RAB27A: variants seen among roughly 807,000 people sequenced by gnomAD.
The protein encoded by RAB27A is ras-related protein Rab-27A.
Under a neutral mutation model 20.8 loss-of-function variants are expected in RAB27A, and 17 were observed. The ratio of observed to expected loss-of-function variants is 0.82; its 90% CI spans 0.56 to 1.23. RAB27A has a LOEUF of 1.23. Among genes scored for constraint, RAB27A ranks in the 50% most tolerant of loss-of-function variants. The probability of loss-of-function intolerance (pLI) is 0.00; values close to 1 mark genes in which losing one functional copy is unlikely to be tolerated. For synonymous variants in RAB27A, 85 were observed against 92.8 expected, an observed-to-expected ratio of 0.92 and a Z score of 0.48; for missense variants, 277 against 266.7, an observed-to-expected ratio of 1.04 and a Z score of -0.27.
At chr15:55,238,694 C>T (rs1896362908) in intron 2 of RAB27A, among the ~76,000 whole-genome samples, 1 of 140,510 alleles carries the variant, frequency 7.1e-6, no homozygotes, top group Non-Finnish European at 1.5e-5. Flanking sequence ...TAAAACATGT[C>T]TTTCTAGCAC....
chr15:55,285,119 T>C (rs748108479), intron 1 of RAB27A, among the ~76,000 whole-genome samples: 6 of 152,148 alleles, frequency 3.9e-5, no homozygotes, highest in Non-Finnish European at 7.3e-5. Flanking sequence ...GTATAAGATA[T>C]AGGAAACAAT....
At chr15:55,294,666 G>A (rs1281884957), upstream of RAB27A, among the ~76,000 whole-genome samples, 1 of 144,490 alleles carries the variant, frequency 6.9e-6, no homozygotes, top group African/African-American at 2.5e-5. Flanking sequence ...AAAATTACAT[G>A]ATACACAAAA....
rs1894537533 is a variant in RAB27A at position 55,204,301 on chromosome 15, G to A, written c.*1206C>T. 1 of 152,180 alleles carries A rather than the reference G, an allele frequency of 6.6e-6. No homozygotes were observed. Among genetic ancestry groups the A allele is most frequent in the Admixed American group, 6.5e-5 (1 of 15,278 alleles). The allele number at this position is 152,180 out of a possible 1,614,324, so 9.4% of individuals were successfully genotyped here. A position where few individuals can be genotyped will look rare whatever the true frequency, so the allele number is the denominator to read the frequency against. ...GGTATGAAGACACTTTGGCAATGCAGCGGAATAAATGATCTTGGCAAGACC... is the reference window on the plus strand; with the variant it reads ...GGTATGAAGACACTTTGGCAATGCAACGGAATAAATGATCTTGGCAAGACC... On this transcript the variant is annotated 3_prime_UTR_variant, in exon 7 of 7. Coordinates refer to ENST00000336787, the MANE Select transcript of RAB27A (RefSeq NM_183235.3).
chr15:55,307,759 T>C (rs117028369), intron 2 of RAB27A, among the ~76,000 whole-genome samples: 4,555 of 147,100 alleles, frequency 0.031, 78 homozygotes, highest in Non-Finnish European at 0.041. Context: ...TCTTGGGTAA[T>C]TGCCTGTTCT....
At chr15:55,312,155 A>G (rs1382620487) in intron 2 of RAB27A, among the ~76,000 whole-genome samples, 2 of 152,226 alleles carry the variant, frequency 1.3e-5, no homozygotes, top group Non-Finnish European at 2.9e-5. Flanking sequence ...AGGAGTGGCA[A>G]TGGGCGCCTC....
At chr15:55,247,466 T>C (rs538511604) in intron 2 of RAB27A, among the ~76,000 whole-genome samples, 1 of 151,952 alleles carries the variant, frequency 6.6e-6, no homozygotes, top group Admixed American at 6.5e-5. Context: ...CTAAAAACAG[T>C]GTCAAGGAAT....
chr15:55,246,543 A>G (rs1418219824), intron 2 of RAB27A, among the ~76,000 whole-genome samples: 1 of 152,116 alleles, frequency 6.6e-6, no homozygotes, highest in Admixed American at 6.5e-5. Context: ...TAAATTCACC[A>G]AAACACTGGG....
At chr15:55,291,160 A>C (rs1898294886), upstream of RAB27A, among the ~76,000 whole-genome samples, 1 of 152,230 alleles carries the variant, frequency 6.6e-6, no homozygotes, top group African/African-American at 2.4e-5. Flanking sequence ...TAACAGGTTG[A>C]TAACTTCAAG....
At position 55,241,600 on chromosome 15, in the gene RAB27A, T is replaced by TTCTA. The variant is rs1388634936; in HGVS notation, c.-22-6645_-22-6644insTAGA. 3.0e-4 allele frequency among the ~76,000 whole-genome samples: 37 copies of TTCTA among 123,862 alleles called. 1 individual carries two copies. Among genetic ancestry groups the TTCTA allele is most frequent in the African/African-American group, 1.2e-3 (29 of 23,432 alleles). 81.3% of individuals were successfully genotyped at this position (123,862 alleles called of 152,430 possible). ...AGCCCAGGCAACTAGCAAGACCTAT[T>TTCTA]TATATATATATATATATATATATAT... On this transcript the variant is annotated intron_variant, in intron 2 of 6. Transcript: ENST00000336787.
intron 6 of RAB27A, among the ~76,000 whole-genome samples, chr15:55,214,318 C>T (rs548049370): frequency 1.3e-5 from 2 of 152,152 alleles, no homozygotes; most frequent in African/African-American, 4.8e-5. Flanking sequence ...CGCCTGTAGT[C>T]CCAGCTACTC....
At chr15:55,299,896 C>T (rs1000105879) in intron 2 of RAB27A, among the ~76,000 whole-genome samples, 4 of 151,320 alleles carry the variant, frequency 2.6e-5, no homozygotes, top group African/African-American at 9.7e-5. Context: ...TCTCAGCTCA[C>T]TGCAAGCTCC....
chr15:55,306,202 T>C (rs1012712345), intron 2 of RAB27A, among the ~76,000 whole-genome samples: 2 of 152,214 alleles, frequency 1.3e-5, no homozygotes, highest in African/African-American at 4.8e-5. Context: ...GTATGGGTTA[T>C]TTCCAGATTG....
intron 6 of RAB27A, among the ~76,000 whole-genome samples, chr15:55,215,968 A>AAAAAT (rs1895282099): frequency 6.6e-6 from 1 of 150,914 alleles, no homozygotes; most frequent in Non-Finnish European, 1.5e-5. Context: ...AAAAAAAAAA[A>AAAAAT]GAAGTCATAA....
intron 6 of RAB27A, among the ~76,000 whole-genome samples, chr15:55,211,633 T>A (rs2140917863): frequency 6.6e-6 from 1 of 152,316 alleles, no homozygotes; most frequent in Admixed American, 6.5e-5. Flanking sequence ...AATTCGTTGA[T>A]CAGTTCTAAA....
At chr15:55,280,321 T>A (rs554512215) in intron 1 of RAB27A, among the ~76,000 whole-genome samples, 5 of 151,796 alleles carry the variant, frequency 3.3e-5, no homozygotes, top group African/African-American at 7.3e-5. Flanking sequence ...CAGCCTGAGT[T>A]TACTCAGGCT....
At chr15:55,292,143 C>T (rs918788793), upstream of RAB27A, among the ~76,000 whole-genome samples, 15 of 152,256 alleles carry the variant, frequency 9.9e-5, no homozygotes, top group African/African-American at 2.4e-4. Flanking sequence ...AGAGGCTGTG[C>T]GGTGAATAAC....
chr15:55,241,624 A>ATATATATATATATATATATATATATG (rs377301086), intron 2 of RAB27A, among the ~76,000 whole-genome samples: 4 of 117,664 alleles, frequency 3.4e-5, no homozygotes, highest in African/African-American at 1.8e-4. Context: ...ATATATATAT[A>ATATATATATATATATATATATATATG]TGTGTGTATA....
intron 2 of RAB27A, among the ~76,000 whole-genome samples, chr15:55,258,515 C>T (rs1897162731): frequency 6.6e-6 from 1 of 152,206 alleles, no homozygotes; most frequent in Admixed American, 6.5e-5. Context: ...CAATTCAGTG[C>T]ACACCAGGGG....
At chr15:55,235,098 A>G (rs1441946487) in intron 2 of RAB27A, 142 bp from the exon 3 acceptor site, 5 of 689,590 alleles carry the variant, frequency 7.3e-6, no homozygotes, top group Non-Finnish European at 1.2e-5. Context: ...AGTTACATAC[A>G]TATTGTTCAC....
Sources: allele counts gnomAD v4.1 joint callset (sites outside exome capture counted in the v4.1 genomes callset), GRCh38; gene constraint gnomAD v4.1.1; transcripts MANE v1.5; gene names NCBI Gene and HGNC (gene_info 2026-07-23, HGNC 2026-07-21).